The following LRRC37A2 variants were observed in gnomAD, a reference collection of about 807,000 sequenced individuals.
The protein encoded by LRRC37A2 is leucine rich repeat containing 37 member A2.
LRRC37A2 carries 9 observed loss-of-function variants against 68.8 expected under a neutral mutation model. The observed-to-expected ratio is 0.13, with a 90% confidence interval of 0.08 to 0.23. LRRC37A2 has a LOEUF of 0.23. Ranked by LOEUF, LRRC37A2 falls within the 10% of genes least tolerant of loss-of-function variation. The pLI is 1.00. For synonymous variants in LRRC37A2, 63 were observed against 367.6 expected, an observed-to-expected ratio of 0.17 and a Z score of 9.48; for missense variants, 168 against 950.4, an observed-to-expected ratio of 0.18 and a Z score of 10.82.
chr17:46,449,401 AT>A, the LRRC37A2 span, among the ~76,000 whole-genome samples: 1 of 76,526 alleles, frequency 1.3e-5, no homozygotes, highest in South Asian at 6.5e-4. Context: ...GTCTAATTCC[AT>A]TTTCATCACT....
At chr17:47,036,559 G>A in the LRRC37A2 span, among the ~76,000 whole-genome samples, 5 of 152,006 alleles carry the variant, frequency 3.3e-5, no homozygotes, top group Admixed American at 6.6e-5. Context: ...GTTGCACATA[G>A]ATGTTCAGTT....
the LRRC37A2 span, among the ~76,000 whole-genome samples, chr17:46,905,846 G>A: frequency 6.6e-6 from 1 of 151,924 alleles, no homozygotes; most frequent in Non-Finnish European, 1.5e-5. Flanking sequence ...AGGGTATTGT[G>A]TGCCTGTGAG....
At chr17:46,926,047 C>G in the LRRC37A2 span, among the ~76,000 whole-genome samples, 1 of 152,154 alleles carries the variant, frequency 6.6e-6, no homozygotes, top group Non-Finnish European at 1.5e-5. Context: ...ACACAAGAAG[C>G]ACTACATTTA....
At chr17:46,872,766 C>G in the LRRC37A2 span, 17 of 1,531,482 alleles carry the variant, frequency 1.1e-5, no homozygotes, top group East Asian at 2.5e-4. Flanking sequence ...TGGGCCTGCT[C>G]AAGAGAGGTG....
chr17:47,029,927 G>A, the LRRC37A2 span, among the ~76,000 whole-genome samples: 2 of 151,814 alleles, frequency 1.3e-5, no homozygotes, highest in African/African-American at 4.8e-5. Context: ...GCTGGGCATG[G>A]TGGCAGGCAA....
At chr17:47,027,441 G>A in the LRRC37A2 span, 17 of 584,432 alleles carry the variant, frequency 2.9e-5, no homozygotes, top group Admixed American at 5.6e-5. Context: ...AAGTCCAAAC[G>A]TTTAGAGTTG....
At chr17:46,835,463 G>A in the LRRC37A2 span, among the ~76,000 whole-genome samples, 19 of 151,996 alleles carry the variant, frequency 1.3e-4, no homozygotes, top group South Asian at 6.2e-4. Flanking sequence ...CACCCACCTC[G>A]GCCTCTCAAA....
At chr17:46,817,381 C>CCCCCCG in the LRRC37A2 span, among the ~76,000 whole-genome samples, 1 of 152,092 alleles carries the variant, frequency 6.6e-6, no homozygotes, top group African/African-American at 2.4e-5. Context: ...TCCCCCCGCC[C>CCCCCCG]AGGCCAAGGC....
At chr17:46,862,458 T>TA in the LRRC37A2 span, among the ~76,000 whole-genome samples, 6 of 152,272 alleles carry the variant, frequency 3.9e-5, no homozygotes, top group South Asian at 2.1e-4. Context: ...CCACAATTGT[T>TA]AAAAAAACTT....
the LRRC37A2 span, among the ~76,000 whole-genome samples, chr17:46,783,280 C>T: frequency 6.6e-6 from 1 of 152,198 alleles, no homozygotes; most frequent in Admixed American, 6.5e-5. Context: ...TTGATTTAGC[C>T]CCAGCTGTCA....
the LRRC37A2 span, among the ~76,000 whole-genome samples, chr17:46,691,594 C>T: frequency 2.0e-5 from 3 of 151,404 alleles, no homozygotes; most frequent in African/African-American, 4.9e-5. Context: ...GACTTCATCT[C>T]AAACAAACAA....
chr17:46,959,325 C>T, the LRRC37A2 span, among the ~76,000 whole-genome samples: 1 of 152,208 alleles, frequency 6.6e-6, no homozygotes, highest in Non-Finnish European at 1.5e-5. Context: ...TTTGGAGTAA[C>T]ATAAATCCAA....
the LRRC37A2 span, among the ~76,000 whole-genome samples, chr17:46,625,729 C>A: frequency 1.1e-5 from 1 of 92,416 alleles, no homozygotes; most frequent in Non-Finnish European, 1.9e-5. Flanking sequence ...AAAATTACAG[C>A]ATTCTGAAAA....
chr17:46,836,657 C>A, the LRRC37A2 span, among the ~76,000 whole-genome samples: 1 of 152,168 alleles, frequency 6.6e-6, no homozygotes, highest in African/African-American at 2.4e-5. Context: ...TTGGGAAATT[C>A]ATTGATAAAA....
the LRRC37A2 span, among the ~76,000 whole-genome samples, chr17:46,781,928 A>G: frequency 1.8e-4 from 27 of 152,170 alleles, no homozygotes; most frequent in Admixed American, 4.6e-4. Flanking sequence ...AGGAGAACCC[A>G]GGGCTCACAG....
the LRRC37A2 span, chr17:46,876,995 G>A: frequency 7.9e-7 from 1 of 1,259,648 alleles, no homozygotes; most frequent in Non-Finnish European, 1.0e-6. Context: ...GACATGGAGG[G>A]AAATAAGGGA....
the LRRC37A2 span, among the ~76,000 whole-genome samples, chr17:46,601,928 A>G: frequency 2.5e-4 from 37 of 146,680 alleles, 5 homozygotes; most frequent in African/African-American, 9.4e-4. Flanking sequence ...TCACACCTGT[A>G]ATCCTAGCAC....
downstream of LRRC37A2, among the ~76,000 whole-genome samples, chr17:46,558,135 C>T (rs1300760643): frequency 7.9e-6 from 1 of 126,072 alleles, no homozygotes; most frequent in Non-Finnish European, 1.6e-5. Context: ...TCTCAGCTCA[C>T]TGCATCCTCC....
the LRRC37A2 span, among the ~76,000 whole-genome samples, chr17:46,857,981 G>C: frequency 6.6e-6 from 1 of 152,172 alleles, no homozygotes; most frequent in Admixed American, 6.5e-5. Flanking sequence ...CCAGGCTGGA[G>C]TACAATGGCA....
Sources: gnomAD v4.1 joint callset for allele counts (sites outside exome capture counted in the v4.1 genomes callset) on GRCh38, gnomAD v4.1.1 for gene constraint, MANE v1.5 for transcripts, NCBI Gene and HGNC (gene_info 2026-07-23, HGNC 2026-07-21) for gene names.